Variants in IGF1R observed in about 807,000 individuals in gnomAD.
IGF1R encodes the protein insulin-like growth factor 1 receptor.
A neutral mutation model predicts 144.6 loss-of-function variants in IGF1R; 44 were observed. That is an observed-to-expected ratio of 0.30 (90% CI 0.24 to 0.39). IGF1R has a LOEUF of 0.39. Ranked by LOEUF, IGF1R falls within the 10% of genes least tolerant of loss-of-function variation. IGF1R has a pLI of 1.00. For missense variants in IGF1R, 1,355 were observed against 1,833.7 expected, an observed-to-expected ratio of 0.74 and a Z score of 4.77; for synonymous variants, 795 against 722.8, an observed-to-expected ratio of 1.10 and a Z score of -1.60.
At chr15:98,889,055 C>G (rs540769424) in intron 2 of IGF1R, among the ~76,000 whole-genome samples, 16 of 152,286 alleles carry the variant, frequency 1.1e-4, no homozygotes, top group African/African-American at 3.6e-4. Context: ...GTTTATATCT[C>G]ACTGGCCAGA....
At chr15:98,685,743 A>C (rs2053310860) in intron 1 of IGF1R, among the ~76,000 whole-genome samples, 2 of 152,202 alleles carry the variant, frequency 1.3e-5, no homozygotes, top group African/African-American at 4.8e-5. Flanking sequence ...ATTCAGGTCT[A>C]GCGGCAGGTC....
At position 98,961,628 on chromosome 15, in the gene IGF1R, A is replaced by G. The variant is rs565316919; in HGVS notation, c.*4186A>G. The G allele has an allele frequency of 2.6e-4, 60 of 233,726 alleles. No individual in the cohort carries two copies. In the South Asian group the frequency reaches 3.4e-3, roughly 13 times the overall value. The allele number at this position is 233,726 out of a possible 1,614,324, so 14.5% of individuals were successfully genotyped here. ...AGCAGCTCACACTGCTTGAAGTCAT[A>G]TGAACCACTGAGGCACATCATGGAA... On this transcript the variant is annotated 3_prime_UTR_variant, in exon 21 of 21. Coordinates refer to ENST00000650285, the MANE Select transcript of IGF1R (RefSeq NM_000875.5).
intron 13 of IGF1R, among the ~76,000 whole-genome samples, chr15:98,927,135 G>A (rs949584534): frequency 6.6e-6 from 1 of 152,224 alleles, no homozygotes; most frequent in South Asian, 2.1e-4. Flanking sequence ...CAGGATGCCA[G>A]TGGGAAATCG....
intron 1 of IGF1R, among the ~76,000 whole-genome samples, chr15:98,654,113 T>C (rs1383331234): frequency 1.3e-5 from 2 of 152,208 alleles, no homozygotes; most frequent in African/African-American, 4.8e-5. Flanking sequence ...AAAGGTTCTT[T>C]TAAAAATATT....
At chr15:98,882,052 T>C (rs911438662) in intron 2 of IGF1R, among the ~76,000 whole-genome samples, 5 of 152,204 alleles carry the variant, frequency 3.3e-5, no homozygotes, top group Non-Finnish European at 7.3e-5. Flanking sequence ...ATGATAGTTA[T>C]TCTTAAGATC....
intron 2 of IGF1R, among the ~76,000 whole-genome samples, chr15:98,849,327 A>T (rs77995907): frequency 0.011 from 1,716 of 152,366 alleles, 19 homozygotes; most frequent in Middle Eastern, 0.037. Context: ...GGGGCATGTA[A>T]ATTATGGCCC....
At chr15:98,952,900 C>T (rs539121710) in intron 20 of IGF1R, 97 of 152,134 alleles carry the variant, frequency 6.4e-4, no homozygotes, top group African/African-American at 2.2e-3. Flanking sequence ...TTCTCCCTTC[C>T]AAGAAAAGAG....
chr15:98,800,777 C>G (rs1447215418), intron 2 of IGF1R, among the ~76,000 whole-genome samples: 1 of 152,162 alleles, frequency 6.6e-6, no homozygotes, highest in East Asian at 1.9e-4. Flanking sequence ...AAATCCAGTC[C>G]CAGTTCCTGC....
intron 1 of IGF1R, among the ~76,000 whole-genome samples, chr15:98,687,533 C>G (rs1267539294): frequency 6.6e-6 from 1 of 152,186 alleles, no homozygotes; most frequent in Admixed American, 6.5e-5. Context: ...CTCTGGAAGG[C>G]ACAGGGAGGT....
At chr15:98,816,086 A>G (rs187076767) in intron 2 of IGF1R, among the ~76,000 whole-genome samples, 384 of 152,098 alleles carry the variant, frequency 2.5e-3, no homozygotes, top group African/African-American at 8.9e-3. Flanking sequence ...CACCCCAGCC[A>G]CCCTACTTTC....
At chr15:98,650,040 A>ACACAGCGCCCCTCTCG (rs2052312891) in intron 1 of IGF1R, among the ~76,000 whole-genome samples, 1 of 151,556 alleles carries the variant, frequency 6.6e-6, no homozygotes, top group Non-Finnish European at 1.5e-5. Flanking sequence ...CGCCCCTTCC[A>ACACAGCGCCCCTCTCG]TGCGCAAGAG....
intron 17 of IGF1R, among the ~76,000 whole-genome samples, chr15:98,937,256 G>A (rs2016190460): frequency 6.6e-6 from 1 of 152,158 alleles, no homozygotes; most frequent in Non-Finnish European, 1.5e-5. Context: ...TGGAGATCTG[G>A]CAGAGTATTT....
intron 2 of IGF1R, among the ~76,000 whole-genome samples, chr15:98,723,977 A>G (rs932162524): frequency 4.6e-5 from 7 of 152,360 alleles, no homozygotes; most frequent in African/African-American, 1.7e-4. Context: ...GGCAAATTTA[A>G]TTAGCAGATA....
rs201475313 is a variant in IGF1R at position 98,730,233 on chromosome 15, AT to A, written c.640+22139del. The stretch of plus-strand genomic sequence containing the variant: ...TGATATACTACATCTGTGATTTTCA[AT>A]TTTTTTTTTTTTAACTAGACCCACA... On this transcript the variant is annotated intron_variant, in intron 2 of 20. Coordinates refer to ENST00000650285, the MANE Select transcript of IGF1R (RefSeq NM_000875.5). Among the ~76,000 whole-genome samples the A allele has an allele frequency of 6.3e-3, 924 of 146,946 alleles. 9 individuals carry two copies. The highest frequency in any genetic ancestry group is 0.019 in the African/African-American group (763 of 40,320).
Position 98,916,884 on chromosome 15 carries a change from G to C in IGF1R, c.2201+8G>C. 6.2e-7 allele frequency: 1 copy of C among 1,613,690 alleles called. No homozygotes were observed. Among genetic ancestry groups the C allele is most frequent in the African/African-American group, 1.3e-5 (1 of 75,024 alleles). On this transcript the variant is annotated splice_region_variant and intron_variant, in intron 10 of 20. Transcript: ENST00000650285. ...CTCCATCTTCGTGCCCAGGTACCCA[G>C]CTCATGTGAAATTTCAGTTGGCAAA...
chr15:98,830,003 A>G (rs1309442565), intron 2 of IGF1R, among the ~76,000 whole-genome samples: 1 of 152,220 alleles, frequency 6.6e-6, no homozygotes, highest in Non-Finnish European at 1.5e-5. Context: ...TTAGTATGTT[A>G]AAATACGGTT....
chr15:98,731,159 A>T (rs1387288266), intron 2 of IGF1R, among the ~76,000 whole-genome samples: 5 of 152,240 alleles, frequency 3.3e-5, no homozygotes. Context: ...TACCGTAGTG[A>T]TAATTCTTCT....
Position 98,963,053 on chromosome 15 carries a change from T to A in IGF1R, c.*5611T>A. The A allele has an allele frequency of 4.3e-6, 1 of 233,728 alleles. No homozygotes were observed. 14.5% of individuals were successfully genotyped at this position (233,728 alleles called of 1,614,324 possible). Reference sequence around the variant, plus strand: ...CTTAAGTCCAGTAGATTACGGGTAGTCAGTTGACGAAGATCTGGTTTACAA... The same window carrying A: ...CTTAAGTCCAGTAGATTACGGGTAGACAGTTGACGAAGATCTGGTTTACAA... On this transcript the variant is annotated 3_prime_UTR_variant, in exon 21 of 21. Transcript: ENST00000650285.
chr15:98,829,350 T>C (rs1375188729), intron 2 of IGF1R, among the ~76,000 whole-genome samples: 2 of 148,898 alleles, frequency 1.3e-5, no homozygotes, highest in African/African-American at 4.9e-5. Context: ...TTTTCCAGAG[T>C]GAAAGCTGCT....
Sources: gnomAD v4.1 joint callset for allele counts (sites outside exome capture counted in the v4.1 genomes callset) on GRCh38, gnomAD v4.1.1 for gene constraint, MANE v1.5 for transcripts, NCBI Gene and HGNC (gene_info 2026-07-23, HGNC 2026-07-21) for gene names.